Variants in ZNF385D observed in about 807,000 individuals in gnomAD.
The protein encoded by ZNF385D is zinc finger protein 385D, also known as zinc finger protein 659.
ZNF385D carries 15 observed loss-of-function variants against 35.8 expected under a neutral mutation model. The observed-to-expected ratio is 0.42, with a 90% CI of 0.28 to 0.64. ZNF385D has a LOEUF of 0.64. Among genes scored for constraint, ZNF385D ranks in the 30% least tolerant of loss-of-function variants. The probability of loss-of-function intolerance (pLI) is 0.23; values close to 1 mark genes in which losing one functional copy is unlikely to be tolerated. For synonymous variants in ZNF385D, 212 were observed against 186.8 expected (o/e 1.13, Z -1.10); for missense variants, 474 against 494.6 (o/e 0.96, Z 0.39).
At chr3:21,949,967 T>C (rs1276627136) in intron 3 of ZNF385D, among the ~76,000 whole-genome samples, 9 of 152,202 alleles carry the variant, frequency 5.9e-5, no homozygotes, top group Admixed American at 5.9e-4. Context: ...TGATGTGCAT[T>C]TGGGTTGGTT....
intron 2 of ZNF385D, among the ~76,000 whole-genome samples, chr3:21,626,255 G>A (rs2065131027): frequency 6.6e-6 from 1 of 152,046 alleles, no homozygotes; most frequent in East Asian, 1.9e-4. Flanking sequence ...TGTCCTTTGG[G>A]TGAAAACATG....
chr3:22,309,059 T>C (rs1703393462), intron 2 of ZNF385D, among the ~76,000 whole-genome samples: 1 of 152,080 alleles, frequency 6.6e-6, no homozygotes. Flanking sequence ...AAGGAAATCA[T>C]AAGCCAGAAA....
Position 21,518,468 on chromosome 3 carries a change from A to C in ZNF385D, c.277-7445T>G, listed in dbSNP as rs142743933. 2.8e-4 allele frequency among the ~76,000 whole-genome samples: 43 copies of C among 152,274 alleles called. 1 individual carries two copies. Among genetic ancestry groups the C allele is most frequent in the Non-Finnish European group, 5.0e-4 (34 of 68,016 alleles). On this transcript the variant is annotated intron_variant, in intron 3 of 7. Transcript: ENST00000281523. The stretch of plus-strand genomic sequence containing the variant: ...TTACTTTTATCTCTATATTGAATGC[A>C]TTGTTATGATCCAGTTTGCAAGGGC...
At chr3:21,881,751 T>G (rs1442733630) in intron 3 of ZNF385D, among the ~76,000 whole-genome samples, 1 of 152,030 alleles carries the variant, frequency 6.6e-6, no homozygotes, top group African/African-American at 2.4e-5. Flanking sequence ...TGGAAAGGAC[T>G]CATCATTCTA....
intron 1 of ZNF385D, among the ~76,000 whole-genome samples, chr3:21,702,820 G>C (rs2125387524): frequency 6.6e-6 from 1 of 152,268 alleles, no homozygotes; most frequent in Admixed American, 6.5e-5. Context: ...CATAACGAGA[G>C]TCACCTTTGC....
intron 2 of ZNF385D, among the ~76,000 whole-genome samples, chr3:21,588,052 G>C (rs2063862168): frequency 6.6e-6 from 1 of 152,144 alleles, no homozygotes; most frequent in Non-Finnish European, 1.5e-5. Context: ...GACTAAGCCT[G>C]AGGATAAAAA....
intron 3 of ZNF385D, among the ~76,000 whole-genome samples, chr3:21,964,412 T>TAAAAAAAAAAAAAAAAA (rs60635259): frequency 4.2e-5 from 3 of 71,484 alleles, no homozygotes; most frequent in Non-Finnish European, 5.5e-5. Context: ...GTCCTTTTTG[T>TAAAAAAAAAAAAAAAAA]AAAAAAAAAA....
chr3:21,746,607 A>G (rs758473169), intron 1 of ZNF385D, among the ~76,000 whole-genome samples: 109 of 152,306 alleles, frequency 7.2e-4, no homozygotes, highest in Non-Finnish European at 2.9e-4. Context: ...TCACGCTTTA[A>G]AAGGGGGACT....
rs1703543464 is a variant in ZNF385D at position 22,128,045 on chromosome 3, T to C, written c.325+40772A>G. 9.2e-5 allele frequency among the ~76,000 whole-genome samples: 14 copies of C among 152,344 alleles called. No homozygotes were observed. In the South Asian group the frequency reaches 2.9e-3, roughly 32 times the overall value. ...TTCTTTTAGATTGAAAAACTCTCTTTAGCCATTCTTGTAGGTTATGTACAG... is the reference window on the plus strand; with the variant it reads ...TTCTTTTAGATTGAAAAACTCTCTTCAGCCATTCTTGTAGGTTATGTACAG... On this transcript the variant is annotated intron_variant, in intron 3 of 5. Transcript: ENST00000494108.
At chr3:22,356,869 T>C (rs1325925898) in intron 2 of ZNF385D, among the ~76,000 whole-genome samples, 1 of 151,816 alleles carries the variant, frequency 6.6e-6, no homozygotes, top group Non-Finnish European at 1.5e-5. Context: ...TAAGATAATA[T>C]CATATATGAA....
chr3:21,932,819 A>T (rs1210711093), intron 3 of ZNF385D, among the ~76,000 whole-genome samples: 7 of 152,232 alleles, frequency 4.6e-5, no homozygotes, highest in African/African-American at 1.7e-4. Flanking sequence ...ATTTTTACAA[A>T]TATGCTTGTT....
chr3:21,937,877 G>T lies in ZNF385D; in HGVS notation c.325+230940C>A, dbSNP rs144662999. Among the ~76,000 whole-genome samples the T allele has an allele frequency of 2.5e-3, 378 of 152,232 alleles. 1 individual carries two copies. Among genetic ancestry groups the T allele is most frequent in the African/African-American group, 8.7e-3 (360 of 41,562 alleles). On this transcript the variant is annotated intron_variant, in intron 3 of 5. Coordinates refer to the ZNF385D transcript ENST00000494108. ...TTTAAGTAGCCTCTATAACATAAGC[G>T]TATTTTCCAATCATTAATGTCTTAA... is the stretch of plus-strand genomic sequence containing the variant.
chr3:22,250,987 A>G lies in ZNF385D; in HGVS notation c.107-81952T>C, dbSNP rs578059444. ...CTGCCCATCTAAAGAGCTTCCAGGC[A>G]TGAAGCTTGGAATCAGGACAACACC... On this transcript the variant is annotated intron_variant, in intron 2 of 5. Transcript: ENST00000494108. 2.0e-5 allele frequency among the ~76,000 whole-genome samples: 3 copies of G among 152,182 alleles called. No individual in the cohort carries two copies. The East Asian group carries it at 5.8e-4, about 29-fold the overall frequency.
At chr3:22,001,169 A>G (rs1015583258) in intron 3 of ZNF385D, among the ~76,000 whole-genome samples, 6 of 152,162 alleles carry the variant, frequency 3.9e-5, no homozygotes, top group Non-Finnish European at 8.8e-5. Context: ...GAATATAAAC[A>G]GACTAAATTC....
At chr3:22,356,997 T>A (rs1302698763) in intron 2 of ZNF385D, among the ~76,000 whole-genome samples, 1 of 151,870 alleles carries the variant, frequency 6.6e-6, no homozygotes, top group East Asian at 1.9e-4. Context: ...CAAGTTATAA[T>A]AAAACCTACA....
chr3:21,921,422 C>T (rs1159033919), intron 3 of ZNF385D, among the ~76,000 whole-genome samples: 1 of 151,978 alleles, frequency 6.6e-6, no homozygotes, highest in Non-Finnish European at 1.5e-5. Flanking sequence ...TCCATTTGTT[C>T]GTGCACCTAT....
chr3:21,553,631 T>G (rs556362731), intron 3 of ZNF385D, among the ~76,000 whole-genome samples: 1 of 152,316 alleles, frequency 6.6e-6, no homozygotes, highest in East Asian at 1.9e-4. Context: ...AATATTTCTC[T>G]TTAGCATAAA....
chr3:21,489,772 T>C (rs530148699), intron 4 of ZNF385D, among the ~76,000 whole-genome samples: 119 of 152,234 alleles, frequency 7.8e-4, no homozygotes, highest in African/African-American at 2.6e-3. Context: ...TATGGACCTC[T>C]AGAAGTCTAG....
In ZNF385D at chr3:21,521,292, A is replaced by C. The variant is rs190429841; in HGVS notation, c.277-10269T>G. ...GAGAACAAGACCACAAGTAACTTCT[A>C]AAACCTGAACTCTTTTGGTGGAGTC... On this transcript the variant is annotated intron_variant, in intron 3 of 7. Transcript: ENST00000281523. 2.3e-3 allele frequency among the ~76,000 whole-genome samples: 357 copies of C among 152,322 alleles called. 3 individuals carry two copies. The highest frequency in any genetic ancestry group is 2.7e-3 in the East Asian group (14 of 5,186).
Sources: gnomAD v4.1 joint callset for allele counts (sites outside exome capture counted in the v4.1 genomes callset) on GRCh38, gnomAD v4.1.1 for gene constraint, MANE v1.5 for transcripts, NCBI Gene and HGNC (gene_info 2026-07-23, HGNC 2026-07-21) for gene names.